Variants in FGFR2 observed in about 807,000 individuals in gnomAD.
FGFR2 encodes BEK fibroblast growth factor receptor.
Under a neutral mutation model 95.9 loss-of-function variants are expected in FGFR2, and 19 were observed. The observed-to-expected ratio is 0.20, with a 90% CI of 0.14 to 0.29. FGFR2 has a LOEUF of 0.29. FGFR2 is among the 10% of genes least tolerant of loss of function. The pLI is 1.00. For synonymous variants in FGFR2, 392 were observed against 393.3 expected (o/e 1.00, Z 0.04); for missense variants, 707 against 1,056.9 (o/e 0.67, Z 4.59).
At chr10:121,486,335 T>C (rs867727466) in intron 15 of FGFR2, among the ~76,000 whole-genome samples, 1 of 152,114 alleles carries the variant, frequency 6.6e-6, no homozygotes, top group African/African-American at 2.4e-5. Flanking sequence ...ACAGCAAAAA[T>C]GGGATAGTCA....
intron 2 of FGFR2, among the ~76,000 whole-genome samples, chr10:121,573,941 C>T (rs758166816): frequency 1.3e-5 from 2 of 152,090 alleles, no homozygotes; most frequent in South Asian, 2.1e-4. Flanking sequence ...AAACACAGTC[C>T]GGCTGCAAAT....
chr10:121,583,531 G>A (rs1001350149), intron 2 of FGFR2: 1 of 152,288 alleles, frequency 6.6e-6, no homozygotes, highest in Non-Finnish European at 1.5e-5. Context: ...GCAGCAGTCA[G>A]GGTTAGCCTC....
intron 15 of FGFR2, among the ~76,000 whole-genome samples, chr10:121,486,257 C>T (rs991225530): frequency 3.9e-5 from 6 of 152,136 alleles, no homozygotes; most frequent in Admixed American, 1.3e-4. Context: ...TGTTTCACTC[C>T]GCAGTTTTCT....
intron 4 of FGFR2, among the ~76,000 whole-genome samples, chr10:121,552,289 G>A (rs1855523338): frequency 6.6e-6 from 1 of 152,162 alleles, no homozygotes; most frequent in Non-Finnish European, 1.5e-5. Flanking sequence ...ACAACATCAA[G>A]CCAGAATACC....
chr10:121,591,552 T>C (rs1862650314), intron 2 of FGFR2, among the ~76,000 whole-genome samples: 1 of 152,216 alleles, frequency 6.6e-6, no homozygotes, highest in African/African-American at 2.4e-5. Context: ...GAAGAGACCC[T>C]AAAGATCATC....
intron 9 of FGFR2, among the ~76,000 whole-genome samples, chr10:121,509,163 T>C (rs1212179005): frequency 1.3e-5 from 2 of 152,248 alleles, no homozygotes; most frequent in African/African-American, 2.4e-5. Flanking sequence ...CAGAGTTTCA[T>C]TCCTAACCAA....
At chr10:121,546,608 T>C (rs1378059484) in intron 5 of FGFR2, among the ~76,000 whole-genome samples, 1 of 152,250 alleles carries the variant, frequency 6.6e-6, no homozygotes, top group Non-Finnish European at 1.5e-5. Flanking sequence ...AAATGAGCTT[T>C]CTGTCACATT....
intron 2 of FGFR2, among the ~76,000 whole-genome samples, chr10:121,591,011 A>ACACGCACT (rs533734889): frequency 6.9e-6 from 1 of 144,344 alleles, no homozygotes; most frequent in African/African-American, 2.5e-5. Context: ...ACACACGCAC[A>ACACGCACT]CTCTCTCTCT....
At chr10:121,577,027 C>T (rs971098803) in intron 2 of FGFR2, among the ~76,000 whole-genome samples, 1 of 144,790 alleles carries the variant, frequency 6.9e-6, no homozygotes, top group Non-Finnish European at 1.5e-5. Flanking sequence ...CCCAGCTACT[C>T]GGGAGGCTGA....
rs764231570 is a variant in FGFR2, at chr10:121,479,606, G to C, written c.*251C>G. The C allele has an allele frequency of 1.3e-6, 2 of 1,551,570 alleles. No homozygotes were observed. Among genetic ancestry groups the C allele is most frequent in the African/African-American group, 2.7e-5 (2 of 73,046 alleles). On this transcript the variant is annotated 3_prime_UTR_variant, in exon 18 of 18. Transcript: ENST00000358487. ...CTACTGGTCCACAGCCAGTACGCAC[G>C]GCAGGTGAGAGGGGTTACATGGTGG... is the stretch of plus-strand genomic sequence containing the variant.
intron 9 of FGFR2, among the ~76,000 whole-genome samples, chr10:121,507,186 T>C (rs1187476158): frequency 6.6e-6 from 1 of 152,234 alleles, no homozygotes; most frequent in Non-Finnish European, 1.5e-5. Flanking sequence ...AACATGGGAC[T>C]GTGCGGTCAG....
chr10:121,526,720 C>T, intron 6 of FGFR2: 1 of 398,640 alleles, frequency 2.5e-6, no homozygotes, highest in Non-Finnish European at 4.4e-6. Context: ...GCTGGGCACC[C>T]AGAATCACCT....
intron 9 of FGFR2, among the ~76,000 whole-genome samples, chr10:121,509,482 C>CTTTTT (rs67778522): frequency 0.011 from 497 of 45,338 alleles, 2 homozygotes; most frequent in African/African-American, 0.02. Flanking sequence ...TGTTTCTTTT[C>CTTTTT]TTTTTTTTTT....
intron 11 of FGFR2, among the ~76,000 whole-genome samples, chr10:121,499,502 G>A (rs999154166): frequency 9.2e-5 from 14 of 152,260 alleles, no homozygotes; most frequent in Admixed American, 4.6e-4. Flanking sequence ...AGACACAGCC[G>A]TGGGCTGTAA....
chr10:121,577,178 T>TATATAGAGAGAGAGAGAGAGAGAG, intron 2 of FGFR2, among the ~76,000 whole-genome samples: 2 of 5,212 alleles, frequency 3.8e-4, no homozygotes, highest in African/African-American at 7.8e-4. Context: ...TATATATATA[T>TATATAGAGAGAGAGAGAGAGAGAG]AGAGAGAGAG....
At chr10:121,555,374 A>T (rs1018576121) in intron 4 of FGFR2, among the ~76,000 whole-genome samples, 3 of 17,738 alleles carry the variant, frequency 1.7e-4, no homozygotes, top group Non-Finnish European at 2.2e-4. Flanking sequence ...ACTCTGTCTC[A>T]ATCAATCAAT....
Position 121,503,956 on chromosome 10 carries a change from C to A in FGFR2, c.1288-15G>T. ...TCAGCCGAAACCTGGATACAAAATG[C>A]AAAGACACAGATGTAATCCTGGCTC... is the stretch of plus-strand genomic sequence containing the variant. On this transcript the variant is annotated splice_polypyrimidine_tract_variant and intron_variant, in intron 9 of 17. Transcript: ENST00000358487. 6.2e-7 allele frequency: 1 copy of A among 1,613,842 alleles called. No homozygotes were observed. Among genetic ancestry groups the A allele is most frequent in the Non-Finnish European group, 8.5e-7 (1 of 1,179,906 alleles).
At chr10:121,515,377 A>C in intron 8 of FGFR2, 58 bp from the exon 9 acceptor site, 1 of 1,515,552 alleles carries the variant, frequency 6.6e-7, no homozygotes, top group Non-Finnish European at 9.2e-7. Context: ...TTAGCACACC[A>C]GACTGACGCA....
chr10:121,569,298 G>A (rs774442756), intron 2 of FGFR2, among the ~76,000 whole-genome samples: 2 of 148,858 alleles, frequency 1.3e-5, no homozygotes, highest in South Asian at 2.1e-4. Context: ...TCGGCTCACC[G>A]CAACCTCCGC....
Sources: allele counts gnomAD v4.1 joint callset (sites outside exome capture counted in the v4.1 genomes callset), GRCh38; gene constraint gnomAD v4.1.1; transcripts MANE v1.5; gene names NCBI Gene and HGNC (gene_info 2026-07-23, HGNC 2026-07-21).